The following NOSTRIN variants were observed in gnomAD, a reference collection of about 807,000 sequenced individuals.
NOSTRIN encodes the protein nitric oxide synthase trafficking.
A neutral mutation model predicts 59.0 loss-of-function variants in NOSTRIN; 63 were observed. The ratio of observed to expected loss-of-function variants is 1.07; its 90% CI spans 0.87 to 1.32. The LOEUF is 1.32. Among genes scored for constraint, NOSTRIN ranks in the 40% most tolerant of loss-of-function variants. The pLI, the probability that NOSTRIN is intolerant of heterozygous loss-of-function variation, is 0.00. For synonymous variants in NOSTRIN, 200 were observed against 165.4 expected (o/e 1.21, Z -1.61); for missense variants, 512 against 473.1 (o/e 1.08, Z -0.76).
chr2:168,805,688 T>G (rs1430696498), intron 1 of NOSTRIN, among the ~76,000 whole-genome samples: 2 of 152,126 alleles, frequency 1.3e-5, no homozygotes, highest in African/African-American at 4.8e-5. Flanking sequence ...CCGCATGTCA[T>G]CGGCCATTGA....
intron 1 of NOSTRIN, among the ~76,000 whole-genome samples, chr2:168,809,329 T>A (rs970026029): frequency 6.6e-6 from 1 of 152,204 alleles, no homozygotes; most frequent in Non-Finnish European, 1.5e-5. Context: ...AACAAGCCTT[T>A]ACTGAAACCT....
chr2:168,859,339 TAAAG>T, intron 12 of NOSTRIN, 169 bp from the exon 13 acceptor site: 1 of 964,910 alleles, frequency 1.0e-6, no homozygotes, highest in Non-Finnish European at 1.5e-6. Context: ...CTAAACTGCT[TAAAG>T]AGTTTATTCC....
At chr2:168,833,803 C>T (rs1224396883) in intron 6 of NOSTRIN, among the ~76,000 whole-genome samples, 1 of 104,620 alleles carries the variant, frequency 9.6e-6, no homozygotes, top group Non-Finnish European at 1.8e-5. Context: ...AAGAGAACAT[C>T]TTAAAACAAT....
chr2:168,806,530 C>T lies in NOSTRIN; in HGVS notation c.27+3857C>T, dbSNP rs577099400. 1.5e-3 allele frequency among the ~76,000 whole-genome samples: 231 copies of T among 152,010 alleles called. 7 individuals carry two copies. In the South Asian group the frequency reaches 0.037, roughly 24 times the overall value. On this transcript the variant is annotated intron_variant, in intron 1 of 15. Coordinates refer to ENST00000317647, the MANE Select transcript of NOSTRIN (RefSeq NM_001039724.4). ...TGGGAAGAAACATTTTCCTAATGGCCGAATGGGAAATGTCTGTCAAATAGA... is the reference window on the plus strand; with the variant it reads ...TGGGAAGAAACATTTTCCTAATGGCTGAATGGGAAATGTCTGTCAAATAGA...
At chr2:168,830,015 T>C (rs2105643531) in intron 5 of NOSTRIN, among the ~76,000 whole-genome samples, 1 of 152,342 alleles carries the variant, frequency 6.6e-6, no homozygotes, top group South Asian at 2.1e-4. Context: ...TACATAGGTA[T>C]ATTTTACCAG....
chr2:168,831,960 C>A (rs1404606945), intron 6 of NOSTRIN, among the ~76,000 whole-genome samples: 1 of 152,152 alleles, frequency 6.6e-6, no homozygotes, highest in African/African-American at 2.4e-5. Context: ...ATACTGACTA[C>A]CTTTCTGTAT....
upstream of NOSTRIN, among the ~76,000 whole-genome samples, chr2:168,794,810 G>T (rs896215310): frequency 2.0e-5 from 3 of 150,862 alleles, no homozygotes; most frequent in Admixed American, 1.3e-4. Context: ...GCCTAGGCAG[G>T]TCTCAAACTC....
At chr2:168,795,611 G>A (rs1441866469), upstream of NOSTRIN, among the ~76,000 whole-genome samples, 1 of 152,148 alleles carries the variant, frequency 6.6e-6, no homozygotes, top group Non-Finnish European at 1.5e-5. Context: ...ATTTGGACAT[G>A]CATAATAAAA....
chr2:168,862,179 T>C, intron 15 of NOSTRIN, 130 bp downstream of exon 15: 1 of 732,506 alleles, frequency 1.4e-6, no homozygotes, highest in East Asian at 2.7e-5. Flanking sequence ...TCTTGAAAGA[T>C]AAGCACATCT....
intron 13 of NOSTRIN, among the ~76,000 whole-genome samples, 175 bp downstream of exon 13, chr2:168,859,812 G>A (rs1325501541): frequency 6.6e-6 from 1 of 152,174 alleles, no homozygotes; most frequent in Admixed American, 6.5e-5. Context: ...ACAAGAGCTA[G>A]ACAAAACCGA....
intron 8 of NOSTRIN, chr2:168,850,841 C>A: frequency 1.3e-6 from 1 of 792,322 alleles, no homozygotes; most frequent in Non-Finnish European, 2.1e-6. Flanking sequence ...CTTAGGTAAC[C>A]CACAGCATCT....
Position 168,808,896 on chromosome 2 carries a change from A to G in NOSTRIN, c.28-2671A>G, listed in dbSNP as rs376580017. Among the ~76,000 whole-genome samples, 73 of 152,336 alleles carry G rather than the reference A, an allele frequency of 4.8e-4. 1 individual carries two copies. Among genetic ancestry groups the G allele is most frequent in the African/African-American group, 1.7e-3 (71 of 41,586 alleles). On this transcript the variant is annotated intron_variant, in intron 1 of 15. Coordinates refer to ENST00000317647, the MANE Select transcript of NOSTRIN (RefSeq NM_001039724.4). Reference sequence around the variant, plus strand: ...TAAATGCCTCAGAATAGCCAAATAAATTATGAAAAGGAAAAAAATAGTTGT... The same window carrying G: ...TAAATGCCTCAGAATAGCCAAATAAGTTATGAAAAGGAAAAAAATAGTTGT...
intron 7 of NOSTRIN, among the ~76,000 whole-genome samples, chr2:168,841,235 C>CA (rs57480764): frequency 0.053 from 5,578 of 105,862 alleles, 639 homozygotes; most frequent in Non-Finnish European, 0.082. Context: ...ACCCTGTCTC[C>CA]AAAAAAAAAA....
intron 2 of NOSTRIN, among the ~76,000 whole-genome samples, chr2:168,788,538 TG>T (rs1685263099): frequency 6.6e-6 from 1 of 151,842 alleles, no homozygotes; most frequent in South Asian, 2.1e-4. Flanking sequence ...GGAGGAAGCA[TG>T]AAGAATCAAA....
At chr2:168,839,062 G>T (rs952035653) in intron 7 of NOSTRIN, among the ~76,000 whole-genome samples, 1 of 152,076 alleles carries the variant, frequency 6.6e-6, no homozygotes, top group African/African-American at 2.4e-5. Flanking sequence ...TGGGATTACG[G>T]GCGTGAACCA....
At chr2:168,789,238 A>G (rs1291966518) in intron 2 of NOSTRIN, among the ~76,000 whole-genome samples, 1 of 152,230 alleles carries the variant, frequency 6.6e-6, no homozygotes. Context: ...CTTAAAATTA[A>G]TAAGCTGGTG....
Position 168,860,856 on chromosome 2 carries a change from T to C in NOSTRIN, c.1241T>C (p.Ile414Thr), listed in dbSNP as rs1047814005. 4.3e-6 allele frequency: 7 copies of C among 1,613,950 alleles called. No individual in the cohort carries two copies. In the Admixed American group the frequency reaches 8.3e-5, roughly 19 times the overall value. The change falls in exon 14 of 16, where the codon ATT becomes ACT. Residue 414 changes from isoleucine (I) to threonine (T), a missense_variant. Ile to Thr is a moderately conservative substitution (Grantham distance 89, BLOSUM62 -1). Coordinates refer to ENST00000317647, the MANE Select transcript of NOSTRIN (RefSeq NM_001039724.4). The stretch of plus-strand genomic sequence containing the variant: ...TTTTTAATGAAGAGATTAGAGAATA[T>C]TGTGAGCAAGGCATCTTCTGGTGGG... ...RPFLMKRLEN[I>T]VSKASSGGQS...
At chr2:168,807,485 CTGGATCAAGGTTTGT>C (rs1341281655) in intron 1 of NOSTRIN, among the ~76,000 whole-genome samples, 1 of 152,168 alleles carries the variant, frequency 6.6e-6, no homozygotes, top group African/African-American at 2.4e-5. Context: ...TTATCTCAAT[CTGGATCAAGGTTTGT>C]TGGGGGAATT....
intron 7 of NOSTRIN, among the ~76,000 whole-genome samples, chr2:168,840,955 G>A (rs905724312): frequency 5.3e-5 from 8 of 152,106 alleles, no homozygotes; most frequent in African/African-American, 1.9e-4. Flanking sequence ...TCTAAATAGA[G>A]TAAAGTTGGA....
Sources: gnomAD v4.1 joint callset for allele counts (sites outside exome capture counted in the v4.1 genomes callset) on GRCh38, gnomAD v4.1.1 for gene constraint, MANE v1.5 for transcripts, NCBI Gene and HGNC (gene_info 2026-07-23, HGNC 2026-07-21) for gene names.